The following CSDE1 variants were observed in gnomAD, a reference collection of about 807,000 sequenced individuals.
The protein encoded by CSDE1 is cold shock domain-containing protein E1.
In CSDE1, 17 loss-of-function variants were observed where a neutral mutation model predicts 89.3. That is an observed-to-expected ratio of 0.19 (90% CI 0.13 to 0.29). The LOEUF is 0.29. Among genes scored for constraint, CSDE1 ranks in the 10% least tolerant of loss-of-function variants. CSDE1 has a pLI of 1.00. For missense variants in CSDE1, 672 were observed against 984.2 expected (o/e 0.68, Z 4.24); for synonymous variants, 322 against 332.8 (o/e 0.97, Z 0.35).
chr1:114,724,041 C>T, intron 15 of CSDE1, 39 bp from the exon 16 acceptor site: 1 of 1,596,982 alleles, frequency 6.3e-7, no homozygotes, highest in Non-Finnish European at 8.5e-7. Flanking sequence ...AATTTTATTT[C>T]ATCTCTACTA....
Position 114,734,120 on chromosome 1 carries a change from G to A in CSDE1, c.583-3C>T. 1.2e-6 allele frequency: 2 copies of A among 1,603,072 alleles called. No homozygotes were observed. The highest frequency in any genetic ancestry group is 1.7e-6 in the Non-Finnish European group (2 of 1,177,704). On this transcript the variant is annotated splice_polypyrimidine_tract_variant and splice_region_variant and intron_variant, in intron 7 of 19. Transcript: ENST00000358528. Reference sequence around the variant, plus strand: ...CTTTCAATAAAGCCAAATGCCTCCTGAAGCAAAATAAAAAACCAAGAACAT... The same window carrying A: ...CTTTCAATAAAGCCAAATGCCTCCTAAAGCAAAATAAAAAACCAAGAACAT...
chr1:114,745,364 T>C (rs755809871), intron 2 of CSDE1, among the ~76,000 whole-genome samples: 13 of 152,246 alleles, frequency 8.5e-5, no homozygotes, highest in Non-Finnish European at 1.8e-4. Flanking sequence ...TTGTAACTTA[T>C]GTAATGCTAT....
intron 13 of CSDE1, 31 bp from the exon 14 acceptor site, chr1:114,726,417 A>AT (rs753466782): frequency 1.3e-6 from 2 of 1,570,824 alleles, no homozygotes; most frequent in East Asian, 4.5e-5. Context: ...CATTAACACC[A>AT]TATCACTTCC....
rs1288235166 is a variant in CSDE1, at chr1:114,717,264, G to A, written c.*905C>T. 1.3e-5 allele frequency: 2 copies of A among 151,964 alleles called. No homozygotes were observed. Among genetic ancestry groups the A allele is most frequent in the Admixed American group, 6.6e-5 (1 of 15,258 alleles). 9.4% of individuals were successfully genotyped at this position (151,964 alleles called of 1,614,324 possible). On this transcript the variant is annotated 3_prime_UTR_variant, in exon 20 of 20. Transcript: ENST00000358528. ...ATTTTACAGGACACAGTAACCAGGCGGCTACTTATAAAAAAAAACAAGATT... is the reference window on the plus strand; with the variant it reads ...ATTTTACAGGACACAGTAACCAGGCAGCTACTTATAAAAAAAAACAAGATT...
chr1:114,749,439 G>GCTAA (rs1355010206), intron 2 of CSDE1, among the ~76,000 whole-genome samples: 1 of 152,176 alleles, frequency 6.6e-6, no homozygotes, highest in Non-Finnish European at 1.5e-5. Flanking sequence ...TCCTCAAGAA[G>GCTAA]CTAACATTGA....
intron 1 of CSDE1, among the ~76,000 whole-genome samples, chr1:114,753,339 T>G (rs1661408371): frequency 6.6e-6 from 1 of 152,202 alleles, no homozygotes; most frequent in Non-Finnish European, 1.5e-5. Flanking sequence ...ATGAGGTCTA[T>G]TAGGAGCTAT....
intron 16 of CSDE1, 81 bp from the exon 17 acceptor site, chr1:114,720,798 C>T: frequency 1.7e-6 from 2 of 1,206,726 alleles, no homozygotes; most frequent in African/African-American, 1.5e-5. Context: ...TATATAACTG[C>T]TAAAAATGTG....
At chr1:114,755,104 T>C (rs897761641) in intron 1 of CSDE1, among the ~76,000 whole-genome samples, 1 of 152,200 alleles carries the variant, frequency 6.6e-6, no homozygotes, top group Non-Finnish European at 1.5e-5. Context: ...GTAAAAAAAT[T>C]GACACTGTTA....
chr1:114,726,203 C>T lies in CSDE1; in HGVS notation c.1640+8G>A, dbSNP rs769929833. The T allele has an allele frequency of 5.6e-6, 9 of 1,595,462 alleles. No individual in the cohort carries two copies. The highest frequency in any genetic ancestry group is 4.1e-5 in the African/African-American group (3 of 74,000). On this transcript the variant is annotated splice_region_variant and intron_variant, in intron 14 of 19. Transcript: ENST00000358528. ...TTAGCTGTAAAGTTCCTGAAAGTCA[C>T]GCCTTACCTGTAATGGAAAAAGATT...
At chr1:114,751,463 T>TA (rs1421083848) in intron 1 of CSDE1, among the ~76,000 whole-genome samples, 1 of 150,898 alleles carries the variant, frequency 6.6e-6, no homozygotes, top group African/African-American at 2.4e-5. Context: ...TACTAGTAAA[T>TA]ACCATGAACA....
At chr1:114,741,170 T>A (rs1660707217) in intron 2 of CSDE1, among the ~76,000 whole-genome samples, 1 of 152,206 alleles carries the variant, frequency 6.6e-6, no homozygotes, top group African/African-American at 2.4e-5. Flanking sequence ...ACAGAGAAGT[T>A]AAATGACTTG....
chr1:114,751,704 A>C (rs1005619734), intron 1 of CSDE1, among the ~76,000 whole-genome samples: 6 of 151,862 alleles, frequency 4.0e-5, no homozygotes, highest in Admixed American at 6.6e-5. Context: ...AAAAAAAAAA[A>C]AACAAAAACA....
At chr1:114,753,593 C>G (rs766504112) in intron 1 of CSDE1, among the ~76,000 whole-genome samples, 1 of 150,202 alleles carries the variant, frequency 6.7e-6, no homozygotes, top group Non-Finnish European at 1.5e-5. Context: ...CCTCCATCCC[C>G]CTAAAAGCTT....
In CSDE1 at chr1:114,722,775, C is replaced by T. The variant is rs1487409707; in HGVS notation, c.1873+1108G>A. On this transcript the variant is annotated intron_variant, in intron 16 of 19. Coordinates refer to ENST00000358528, the MANE Select transcript of CSDE1 (RefSeq NM_001007553.3). Reference sequence around the variant, plus strand: ...AGTTAGTAGTCCATACTCCCATGGCCTTTTTAGGGGTGTGATGTCATGGCA... The same window carrying T: ...AGTTAGTAGTCCATACTCCCATGGCTTTTTTAGGGGTGTGATGTCATGGCA... Among the ~76,000 whole-genome samples, 3 of 152,096 alleles carry T rather than the reference C, an allele frequency of 2.0e-5. No individual in the cohort carries two copies. In the East Asian group the frequency reaches 5.8e-4, roughly 29 times the overall value.
At position 114,739,846 on chromosome 1, in the gene CSDE1, C is replaced by T. The variant is rs1401242055; in HGVS notation, c.45G>A (p.Gly15=). 3 of 1,613,990 alleles carry T rather than the reference C, an allele frequency of 1.9e-6. No individual in the cohort carries two copies. The highest frequency in any genetic ancestry group is 1.7e-5 in the Admixed American group (1 of 60,020). Residue 15 remains glycine (G), a synonymous_variant, in exon 3 of 20, where the codon GGG becomes GGA. Transcript: ENST00000358528. The stretch of plus-strand genomic sequence containing the variant: ...GTGCTGCTGAAGTACCATTAGGGTA[C>T]CCATTATGTCCATTGTTGTGGAGAA... ...PNLLHNNGHN[G]YPNGTSAALR...
chr1:114,730,490 T>G lies in CSDE1; in HGVS notation c.1191+18A>C. 1 of 1,612,618 alleles carries G rather than the reference T, an allele frequency of 6.2e-7. No individual in the cohort carries two copies. Among genetic ancestry groups the G allele is most frequent in the South Asian group, 1.1e-5 (1 of 90,656 alleles). On this transcript the variant is annotated intron_variant, in intron 11 of 19. Coordinates refer to ENST00000358528, the MANE Select transcript of CSDE1 (RefSeq NM_001007553.3). ...AGCATCAAGAAACACCTCCCAACTT[T>G]TCTCAGAAACAACTCACAGGAACCA...
chr1:114,736,601 A>ACATATTCCTCAATATGTATTAGACCT (rs376644037), intron 6 of CSDE1, among the ~76,000 whole-genome samples, 157 bp downstream of exon 6: 2,921 of 152,260 alleles, frequency 0.019, 99 homozygotes, highest in African/African-American at 0.067. Flanking sequence ...TGGCTGTAAT[A>ACATATTCCTCAATATGTATTAGACCT]CAATATTCAT....
chr1:114,720,338 T>C (rs930023211), intron 17 of CSDE1: 5 of 517,574 alleles, frequency 9.7e-6, no homozygotes, highest in Non-Finnish European at 1.7e-5. Flanking sequence ...AATACCAATC[T>C]TACTTTCTCA....
At chr1:114,741,006 G>C (rs1043106069) in intron 2 of CSDE1, among the ~76,000 whole-genome samples, 1 of 152,266 alleles carries the variant, frequency 6.6e-6, no homozygotes, top group East Asian at 1.9e-4. Flanking sequence ...GTCAAATCAC[G>C]TAAATCAAAG....
Sources: gnomAD v4.1 joint callset for allele counts (sites outside exome capture counted in the v4.1 genomes callset) on GRCh38, gnomAD v4.1.1 for gene constraint, MANE v1.5 for transcripts, NCBI Gene and HGNC (gene_info 2026-07-23, HGNC 2026-07-21) for gene names.